The following RASSF6 variants were observed in gnomAD, a reference collection of about 807,000 sequenced individuals.
The protein encoded by RASSF6 is Ras association domain family member 6.
A neutral mutation model predicts 44.0 loss-of-function variants in RASSF6; 52 were observed. That is an observed-to-expected ratio of 1.18 (90% CI 0.95 to 1.49). The LOEUF is 1.49. Among genes scored for constraint, RASSF6 ranks in the 40% most tolerant of loss-of-function variants. The probability of loss-of-function intolerance (pLI) is 0.00; values close to 1 mark genes in which losing one functional copy is unlikely to be tolerated. For synonymous variants in RASSF6, 162 were observed against 124.6 expected (o/e 1.30, Z -2.00); for missense variants, 464 against 393.3 (o/e 1.18, Z -1.52).
chr4:73,578,161 T>G (rs1180380081), intron 8 of RASSF6, among the ~76,000 whole-genome samples: 1 of 152,214 alleles, frequency 6.6e-6, no homozygotes. Context: ...CATTTTTTTC[T>G]TATAAAAACA....
In RASSF6 at chr4:73,620,379, T is replaced by G; in HGVS notation, c.-126A>C. ...GTTTGTTCTCGGCTGGGTCAGGAAC[T>G]CTGGTAGAGGGAAACCAGTGCCCTG... On this transcript the variant is annotated 5_prime_UTR_variant, in exon 1 of 11. Coordinates refer to ENST00000307439, the MANE Select transcript of RASSF6 (RefSeq NM_177532.5). 6.6e-7 allele frequency: 1 copy of G among 1,525,000 alleles called. No homozygotes were observed. The highest frequency in any genetic ancestry group is 1.7e-4 in the Middle Eastern group (1 of 5,900). The allele number at this position is 1,525,000 out of a possible 1,614,324, so 94.5% of individuals were successfully genotyped here. A position where few individuals can be genotyped will look rare whatever the true frequency, so the allele number is the denominator to read the frequency against.
chr4:73,592,108 G>A (rs1195588150), intron 4 of RASSF6, among the ~76,000 whole-genome samples: 1 of 152,232 alleles, frequency 6.6e-6, no homozygotes, highest in African/African-American at 2.4e-5. Context: ...GAAGCAGGGA[G>A]ACTTCTAGGC....
chr4:73,596,283 A>G (rs1008505132), intron 3 of RASSF6, among the ~76,000 whole-genome samples: 1 of 152,204 alleles, frequency 6.6e-6, no homozygotes, highest in Admixed American at 6.5e-5. Context: ...AAGCAACTTC[A>G]GCAAAGTCTC....
In RASSF6 at chr4:73,572,860, C is replaced by T. The variant is rs1722986811; in HGVS notation, c.*3375G>A. 1 of 152,012 alleles carries T rather than the reference C, an allele frequency of 6.6e-6. No individual in the cohort carries two copies. Among genetic ancestry groups the T allele is most frequent in the Non-Finnish European group, 1.5e-5 (1 of 67,978 alleles). 9.4% of individuals were successfully genotyped at this position (152,012 alleles called of 1,614,324 possible). A position where few individuals can be genotyped will look rare whatever the true frequency, so the allele number is the denominator to read the frequency against. On this transcript the variant is annotated 3_prime_UTR_variant, in exon 11 of 11. Transcript: ENST00000307439. ...AGAAAAACATGAATCACTCATAATT[C>T]TACAATGCAGATATAGCCATTTTTA...
chr4:73,617,231 G>T (rs1346089044), intron 1 of RASSF6, among the ~76,000 whole-genome samples: 2 of 152,308 alleles, frequency 1.3e-5, no homozygotes, highest in South Asian at 4.1e-4. Context: ...GCATGCCACT[G>T]CCCTCAGTTC....
intron 6 of RASSF6, among the ~76,000 whole-genome samples, chr4:73,584,855 T>C (rs1466832294): frequency 1.3e-5 from 2 of 152,060 alleles, no homozygotes; most frequent in Non-Finnish European, 2.9e-5. Flanking sequence ...CAAAGCTGGG[T>C]TCAGGTTGAG....
intron 8 of RASSF6, among the ~76,000 whole-genome samples, chr4:73,579,057 T>TA (rs1409798224): frequency 6.6e-6 from 1 of 152,168 alleles, no homozygotes; most frequent in Non-Finnish European, 1.5e-5. Context: ...TGTAACTGTT[T>TA]AAAAAATGGG....
At chr4:73,616,696 C>A (rs780686589) in intron 1 of RASSF6, among the ~76,000 whole-genome samples, 1 of 152,106 alleles carries the variant, frequency 6.6e-6, no homozygotes, top group Non-Finnish European at 1.5e-5. Flanking sequence ...AAAAAAAGAA[C>A]AGAAAGTATC....
intron 1 of RASSF6, among the ~76,000 whole-genome samples, chr4:73,619,177 TGA>T (rs557484997): frequency 5.9e-5 from 9 of 152,200 alleles, no homozygotes; most frequent in Non-Finnish European, 8.8e-5. Flanking sequence ...TTCCACAATA[TGA>T]GATTGTGTGT....
chr4:73,613,987 T>G (rs1234841669), intron 1 of RASSF6, among the ~76,000 whole-genome samples: 3 of 152,220 alleles, frequency 2.0e-5, no homozygotes, highest in Non-Finnish European at 4.4e-5. Context: ...CTTAGATGTG[T>G]ACCAGGCATC....
intron 4 of RASSF6, among the ~76,000 whole-genome samples, chr4:73,592,802 A>T (rs931876524): frequency 1.3e-5 from 2 of 152,128 alleles, no homozygotes; most frequent in Non-Finnish European, 2.9e-5. Flanking sequence ...GGCCAGGGTA[A>T]ATCAAATTCT....
In RASSF6 at chr4:73,581,878, G is replaced by GA. The variant is rs1723677498; in HGVS notation, c.670-11dup. On this transcript the variant is annotated splice_polypyrimidine_tract_variant and intron_variant, in intron 7 of 10. Coordinates refer to ENST00000307439, the MANE Select transcript of RASSF6 (RefSeq NM_177532.5). Reference sequence around the variant, plus strand: ...GGGGACTATTTTCAATCTGTCAAGGGAAAAAATGAACAAATATAAATTCTT... The same window carrying GA: ...GGGGACTATTTTCAATCTGTCAAGGGAAAAAAATGAACAAATATAAATTCTT... The GA allele has an allele frequency of 3.7e-6, 6 of 1,600,910 alleles. No homozygotes were observed. The highest frequency in any genetic ancestry group is 3.4e-6 in the Non-Finnish European group (4 of 1,169,676).
At chr4:73,616,032 A>G in intron 1 of RASSF6, 1 of 1,113,420 alleles carries the variant, frequency 9.0e-7, no homozygotes, top group South Asian at 1.4e-5. Flanking sequence ...AAAAGTGGAA[A>G]ATTGGGTTCA....
intron 1 of RASSF6, among the ~76,000 whole-genome samples, chr4:73,618,160 C>A (rs191135210): frequency 6.6e-6 from 1 of 152,226 alleles, no homozygotes; most frequent in African/African-American, 2.4e-5. Flanking sequence ...CTGGGTCTCT[C>A]TGTGTCACTC....
intron 2 of RASSF6, among the ~76,000 whole-genome samples, chr4:73,606,420 A>G (rs1466940256): frequency 6.6e-6 from 1 of 152,180 alleles, no homozygotes; most frequent in East Asian, 1.9e-4. Context: ...ACTAGATGCA[A>G]GAGAGAGGGA....
chr4:73,580,738 A>C (rs1254540965), intron 8 of RASSF6, among the ~76,000 whole-genome samples: 1 of 131,692 alleles, frequency 7.6e-6, no homozygotes, highest in Non-Finnish European at 1.7e-5. Flanking sequence ...TTTTCTTGTA[A>C]ATTTGTTTGA....
In RASSF6 at chr4:73,615,125, G is replaced by A. The variant is rs145854890; in HGVS notation, c.-34-3296C>T. Reference sequence around the variant, plus strand: ...ACCTGGGAGATGGAGGTTGCAGTGAGCCAAGATTGTGTCCCTGCACTCCAG... The same window carrying A: ...ACCTGGGAGATGGAGGTTGCAGTGAACCAAGATTGTGTCCCTGCACTCCAG... On this transcript the variant is annotated intron_variant, in intron 1 of 10. Transcript: ENST00000307439. 5.7e-3 allele frequency among the ~76,000 whole-genome samples: 687 copies of A among 121,536 alleles called. 1 individual carries two copies. Among genetic ancestry groups the A allele is most frequent in the Middle Eastern group, 0.016 (2 of 126 alleles). The allele number at this position is 121,536 out of a possible 152,430, so 79.7% of individuals were successfully genotyped here.
At chr4:73,591,041 T>G in intron 4 of RASSF6, among the ~76,000 whole-genome samples, 1 of 152,194 alleles carries the variant, frequency 6.6e-6, no homozygotes, top group Non-Finnish European at 1.5e-5. Context: ...TCAGAATTGC[T>G]AGGAACAAGT....
At chr4:73,599,875 T>C (rs570834708) in intron 2 of RASSF6, among the ~76,000 whole-genome samples, 3 of 152,246 alleles carry the variant, frequency 2.0e-5, no homozygotes, top group Admixed American at 1.3e-4. Context: ...ACCTCTTTCA[T>C]CTCATTTCCT....
Sources: gnomAD v4.1 joint callset for allele counts (sites outside exome capture counted in the v4.1 genomes callset) on GRCh38, gnomAD v4.1.1 for gene constraint, MANE v1.5 for transcripts, NCBI Gene and HGNC (gene_info 2026-07-23, HGNC 2026-07-21) for gene names.